CNTNAP2: variants seen among roughly 807,000 people sequenced by gnomAD.
CNTNAP2 encodes contactin associated protein 2.
A neutral mutation model predicts 155.2 loss-of-function variants in CNTNAP2; 98 were observed. The ratio of observed to expected loss-of-function variants is 0.63; its 90% CI spans 0.54 to 0.75. The LOEUF is 0.75. CNTNAP2 is among the 30% of genes least tolerant of loss of function. CNTNAP2 has a pLI of 0.00. For synonymous variants in CNTNAP2, 651 were observed against 631.2 expected, an observed-to-expected ratio of 1.03 and a Z score of -0.47; for missense variants, 1,727 against 1,688.1, an observed-to-expected ratio of 1.02 and a Z score of -0.40.
chr7:147,426,380 C>A (rs1400541168), intron 10 of CNTNAP2, among the ~76,000 whole-genome samples: 1 of 152,036 alleles, frequency 6.6e-6, no homozygotes, highest in Admixed American at 6.6e-5. Context: ...GAACATTTGT[C>A]ATTGGATATG....
intron 3 of CNTNAP2, among the ~76,000 whole-genome samples, chr7:146,948,647 T>G (rs1222077440): frequency 6.6e-6 from 1 of 152,168 alleles, no homozygotes; most frequent in African/African-American, 2.4e-5. Context: ...AAACAATAAA[T>G]TTTGAGTATA....
At chr7:148,194,288 C>G (rs1039145060) in intron 18 of CNTNAP2, among the ~76,000 whole-genome samples, 3 of 151,984 alleles carry the variant, frequency 2.0e-5, no homozygotes, top group Non-Finnish European at 4.4e-5. Context: ...TGACCCAACA[C>G]TCCTGGCCTC....
chr7:148,358,042 T>C (rs1008257641), intron 21 of CNTNAP2, among the ~76,000 whole-genome samples: 8 of 152,152 alleles, frequency 5.3e-5, no homozygotes, highest in African/African-American at 1.9e-4. Context: ...GAAAAACCTG[T>C]GATCATATAA....
At chr7:147,182,168 CAAG>C (rs1158671185) in intron 8 of CNTNAP2, among the ~76,000 whole-genome samples, 12 of 138,274 alleles carry the variant, frequency 8.7e-5, no homozygotes, top group Non-Finnish European at 1.8e-4. Flanking sequence ...CCACATTAAA[CAAG>C]AGAAATAAAA....
At chr7:147,730,316 G>A (rs777936078) in intron 13 of CNTNAP2, among the ~76,000 whole-genome samples, 53 of 152,066 alleles carry the variant, frequency 3.5e-4, no homozygotes, top group Non-Finnish European at 7.2e-4. Flanking sequence ...CAAATTGAAG[G>A]TTTGTGACAA....
chr7:147,037,261 C>T (rs1799168327), intron 3 of CNTNAP2, among the ~76,000 whole-genome samples: 1 of 151,504 alleles, frequency 6.6e-6, no homozygotes, highest in African/African-American at 2.4e-5. Context: ...TAAAAAGCAT[C>T]CATCAGACTT....
chr7:147,778,581 G>A (rs1416908996), intron 13 of CNTNAP2, among the ~76,000 whole-genome samples: 1 of 152,202 alleles, frequency 6.6e-6, no homozygotes, highest in Non-Finnish European at 1.5e-5. Context: ...GTTTCATGGA[G>A]GCCACAGCTC....
intron 3 of CNTNAP2, among the ~76,000 whole-genome samples, chr7:147,041,538 T>C (rs1799259755): frequency 6.6e-6 from 1 of 152,168 alleles, no homozygotes; most frequent in Non-Finnish European, 1.5e-5. Context: ...AACACCACTC[T>C]GTCCTTCTAT....
At chr7:146,138,121 G>A (rs996416061) in intron 1 of CNTNAP2, among the ~76,000 whole-genome samples, 1 of 152,060 alleles carries the variant, frequency 6.6e-6, no homozygotes, top group Non-Finnish European at 1.5e-5. Context: ...ACATTCTCAA[G>A]CTCTAAAACT....
At chr7:147,155,252 C>G (rs1318472838) in intron 8 of CNTNAP2, among the ~76,000 whole-genome samples, 2 of 152,138 alleles carry the variant, frequency 1.3e-5, no homozygotes, top group Non-Finnish European at 2.9e-5. Context: ...AGTGAGAAGA[C>G]AGGCATCAAC....
At chr7:148,283,110 G>T (rs978606395) in intron 21 of CNTNAP2, among the ~76,000 whole-genome samples, 1 of 150,428 alleles carries the variant, frequency 6.6e-6, no homozygotes, top group African/African-American at 2.4e-5. Context: ...ATGGTGGCAG[G>T]CACCTGTAAG....
At chr7:147,326,008 C>T (rs1294494963) in intron 9 of CNTNAP2, among the ~76,000 whole-genome samples, 1 of 152,130 alleles carries the variant, frequency 6.6e-6, no homozygotes, top group East Asian at 1.9e-4. Flanking sequence ...CTGCAAGCTC[C>T]ACCTCCTGGG....
chr7:146,287,985 A>G (rs1800363685), intron 1 of CNTNAP2, among the ~76,000 whole-genome samples: 1 of 152,128 alleles, frequency 6.6e-6, no homozygotes, highest in Non-Finnish European at 1.5e-5. Flanking sequence ...TAAAATTAGA[A>G]AATCGATTCC....
chr7:146,161,315 A>G (rs576392693), intron 1 of CNTNAP2, among the ~76,000 whole-genome samples: 7 of 152,090 alleles, frequency 4.6e-5, no homozygotes, highest in Non-Finnish European at 1.0e-4. Flanking sequence ...CTCTCTCACC[A>G]CTCCTATTCA....
At chr7:147,766,951 T>C (rs371248022) in intron 13 of CNTNAP2, among the ~76,000 whole-genome samples, 3 of 152,204 alleles carry the variant, frequency 2.0e-5, no homozygotes, top group Admixed American at 6.5e-5. Context: ...AGATGTTCCT[T>C]CTATGAAAAA....
At chr7:148,278,795 G>T (rs1796924004) in intron 21 of CNTNAP2, among the ~76,000 whole-genome samples, 1 of 152,214 alleles carries the variant, frequency 6.6e-6, no homozygotes, top group Admixed American at 6.5e-5. Context: ...AAAAGTAAAA[G>T]AGGCTTAGCA....
chr7:147,549,207 A>G (rs1027605863), intron 11 of CNTNAP2, among the ~76,000 whole-genome samples: 2 of 152,172 alleles, frequency 1.3e-5, no homozygotes, highest in African/African-American at 4.8e-5. Context: ...GGCCATTTTC[A>G]TGATAATGAT....
chr7:146,299,820 A>G (rs1327262771), intron 1 of CNTNAP2, among the ~76,000 whole-genome samples: 1 of 152,162 alleles, frequency 6.6e-6, no homozygotes, highest in East Asian at 1.9e-4. Context: ...GAGAAAAAGC[A>G]TGGGAGGCTA....
At chr7:147,341,535 T>C (rs1309154223) in intron 9 of CNTNAP2, among the ~76,000 whole-genome samples, 1 of 152,164 alleles carries the variant, frequency 6.6e-6, no homozygotes, top group African/African-American at 2.4e-5. Flanking sequence ...GAACTTCTTA[T>C]GAACTTTTTT....
Sources: gnomAD v4.1 joint callset for allele counts (sites outside exome capture counted in the v4.1 genomes callset) on GRCh38, gnomAD v4.1.1 for gene constraint, MANE v1.5 for transcripts, NCBI Gene and HGNC (gene_info 2026-07-23, HGNC 2026-07-21) for gene names.